TRIP10: variants seen among roughly 807,000 people sequenced by gnomAD.
TRIP10 encodes the protein thyroid hormone receptor interactor 10.
In TRIP10, 54 loss-of-function variants were observed where a neutral mutation model predicts 80.9. That is an observed-to-expected ratio of 0.67 (90% CI 0.54 to 0.84). TRIP10 has a LOEUF of 0.84. Among genes scored for constraint, TRIP10 ranks in the 40% least tolerant of loss-of-function variants. The pLI, the probability that TRIP10 is intolerant of heterozygous loss-of-function variation, is 0.00. For missense variants in TRIP10, 773 were observed against 815.3 expected (o/e 0.95, Z 0.63); for synonymous variants, 321 against 307.2 (o/e 1.04, Z -0.47).
chr19:6,743,181 C>G lies in TRIP10; in HGVS notation c.346-13C>G, dbSNP rs532942487. 2 of 1,614,044 alleles carry G rather than the reference C, an allele frequency of 1.2e-6. No individual in the cohort carries two copies. The highest frequency in any genetic ancestry group is 1.7e-6 in the Non-Finnish European group (2 of 1,180,008). On this transcript the variant is annotated splice_polypyrimidine_tract_variant and intron_variant, in intron 4 of 14. Coordinates refer to ENST00000313244, the MANE Select transcript of TRIP10 (RefSeq NM_001288962.2). Reference sequence around the variant, plus strand: ...TGGAACCCTGGCGAGCCTTATCACTCTTCTTTCTGTAGCACTTCCAAGAAG... The same window carrying G: ...TGGAACCCTGGCGAGCCTTATCACTGTTCTTTCTGTAGCACTTCCAAGAAG...
chr19:6,741,679 C>T (rs575339365), intron 3 of TRIP10, among the ~76,000 whole-genome samples: 13 of 152,220 alleles, frequency 8.5e-5, no homozygotes, highest in African/African-American at 2.9e-4. Flanking sequence ...AAACAGTGTG[C>T]AGTCCATATC....
chr19:6,746,065 G>A lies in TRIP10; in HGVS notation c.1021G>A (p.Val341Ile), dbSNP rs144735071. 0.028 allele frequency: 27,587 copies of A among 995,702 alleles called. 446 individuals are homozygous for A. Among genetic ancestry groups the A allele is most frequent in the South Asian group, 0.085 (4,263 of 50,002 alleles). 61.7% of individuals were successfully genotyped at this position (995,702 alleles called of 1,614,324 possible). A position where few individuals can be genotyped will look rare whatever the true frequency, so the allele number is the denominator to read the frequency against. Residue 341 changes from valine (V) to isoleucine (I), a missense_variant, in exon 10 of 15, where the codon GTA (valine) becomes ATA (isoleucine). Physicochemically the swap from Val to Ile is conservative, Grantham distance 29. Coordinates refer to ENST00000313244, the MANE Select transcript of TRIP10 (RefSeq NM_001288962.2). The surrounding 1 kb of genome is among the most constrained non-coding windows in gnomAD (Gnocchi z 6.2). ...PPPLSPLGGP[V>I]PSALPNGPPS... is the part of the protein sequence containing the mutation. ...ACCCCTCTCCCCCCTGGGGGGCCCC[G>A]TACCCTCGGCATTGCCTAACGGACC...
intron 11 of TRIP10, 27 bp from the exon 12 acceptor site, chr19:6,749,907 C>G (rs373289079): frequency 1.3e-6 from 2 of 1,595,894 alleles, no homozygotes; most frequent in Non-Finnish European, 1.7e-6. Flanking sequence ...GTATGTTTTC[C>G]TGTCTATCCT....
Position 6,741,301 on chromosome 19 carries a change from G to C in TRIP10, c.197+20G>C. The C allele has an allele frequency of 6.3e-7, 1 of 1,598,770 alleles. No individual in the cohort carries two copies. The highest frequency in any genetic ancestry group is 8.5e-7 in the Non-Finnish European group (1 of 1,172,368). On this transcript the variant is annotated intron_variant, in intron 3 of 14. Coordinates refer to ENST00000313244, the MANE Select transcript of TRIP10 (RefSeq NM_001288962.2). ...GTCCAAGTAAGGTTGGAGAGGGGCT[G>C]CAGGGCTAGATTTGTGGGGAAAGGC...
Position 6,744,213 on chromosome 19 carries a change from C to T in TRIP10, c.643-341C>T, listed in dbSNP as rs1391748630. ...CCCTCTGAAAGGTCTCGAATTTCCC[C>T]TCTCCTGTTTCAATCTAGCGCTCCA... On this transcript the variant is annotated intron_variant, in intron 7 of 14. Coordinates refer to ENST00000313244, the MANE Select transcript of TRIP10 (RefSeq NM_001288962.2). The surrounding 1 kb of genome is among the most constrained non-coding windows in gnomAD (Gnocchi z 4.9). Among the ~76,000 whole-genome samples, 1 of 152,172 alleles carries T rather than the reference C, an allele frequency of 6.6e-6. No individual in the cohort carries two copies. Among genetic ancestry groups the T allele is most frequent in the East Asian group, 1.9e-4 (1 of 5,196 alleles).
rs1343830303 is a variant in TRIP10 at position 6,745,622 on chromosome 19, A to G, written c.985-407A>G. ...ACCTGTCTGAGACCTTGATTCCTGC[A>G]TGCGTCTTCTAGACTGTCAGCCCAG... On this transcript the variant is annotated intron_variant, in intron 9 of 14. Transcript: ENST00000313244. The surrounding 1 kb of genome is among the most constrained non-coding windows in gnomAD (Gnocchi z 7.2). 5.1e-6 allele frequency: 5 copies of G among 985,112 alleles called. No individual in the cohort carries two copies. The highest frequency in any genetic ancestry group is 1.7e-5 in the African/African-American group (1 of 57,210). 61.0% of individuals were successfully genotyped at this position (985,112 alleles called of 1,614,324 possible). A position where few individuals can be genotyped will look rare whatever the true frequency, so the allele number is the denominator to read the frequency against.
rs754293339 is a variant in TRIP10 at position 6,746,192 on chromosome 19, G to T, written c.1148G>T (p.Arg383Leu). Residue 383 changes from arginine (R) to leucine (L), a missense_variant, in exon 10 of 15, where the codon CGT becomes CTT. By Grantham distance (102) the Arg-to-Leu change is moderately radical. Coordinates refer to ENST00000313244, the MANE Select transcript of TRIP10 (RefSeq NM_001288962.2). The surrounding 1 kb of genome is among the most constrained non-coding windows in gnomAD (Gnocchi z 6.2). The part of the protein sequence containing the change: ...LASFRSLRGS[R>L]GTVVTEDFSH... ...TCCTTCCGCAGCCTTCGAGGCAGCC[G>T]TGGGGTAAGTGAGGCCTCGGGGCAG... 3.8e-4 allele frequency: 578 copies of T among 1,528,958 alleles called. 1 individual carries two copies. Among genetic ancestry groups the T allele is most frequent in the Non-Finnish European group, 4.3e-4 (483 of 1,134,314 alleles). 94.7% of individuals were successfully genotyped at this position (1,528,958 alleles called of 1,614,324 possible). A position where few individuals can be genotyped will look rare whatever the true frequency, so the allele number is the denominator to read the frequency against.
chr19:6,750,179 G>A, intron 12 of TRIP10, 113 bp downstream of exon 12: 1 of 1,572,618 alleles, frequency 6.4e-7, no homozygotes. Flanking sequence ...GTCTCCAGCT[G>A]TTTTCCATCA....
chr19:6,743,052 A>C lies in TRIP10; in HGVS notation c.283A>C (p.Ser95Arg). 1 of 1,614,198 alleles carries C rather than the reference A, an allele frequency of 6.2e-7. No homozygotes were observed. Among genetic ancestry groups the C allele is most frequent in the Non-Finnish European group, 8.5e-7 (1 of 1,180,032 alleles). The change falls in exon 4 of 15, where the codon AGT becomes CGT. Residue 95 changes from serine to arginine, a missense_variant. By Grantham distance (110) the Ser-to-Arg change is moderately radical. Transcript: ENST00000313244. ...GCGGGAGCTGGTGGCTGAGAACCTC[A>C]GTGTCCGTGTATGTCTTGAGCTGAC... The part of the protein sequence containing the change: ...GQRELVAENL[S>R]VRVCLELTKY...
chr19:6,743,618 G>C lies in TRIP10; in HGVS notation c.513+20G>C, dbSNP rs770485501. ...GAGAAGGTGTGTGTGGCGGGGGCGG[G>C]GGGGGGGTGCGGGGTCTGGGACAAG... On this transcript the variant is annotated intron_variant, in intron 6 of 14. Coordinates refer to ENST00000313244, the MANE Select transcript of TRIP10 (RefSeq NM_001288962.2). 17 of 1,409,392 alleles carry C rather than the reference G, an allele frequency of 1.2e-5. No individual in the cohort carries two copies. Among genetic ancestry groups the C allele is most frequent in the African/African-American group, 2.8e-5 (2 of 71,908 alleles). 87.3% of individuals were successfully genotyped at this position (1,409,392 alleles called of 1,614,324 possible). A position where few individuals can be genotyped will look rare whatever the true frequency, so the allele number is the denominator to read the frequency against.
At chr19:6,750,253 G>A (rs1283966942) in intron 12 of TRIP10, 39 bp from the exon 13 acceptor site, 6 of 1,610,866 alleles carry the variant, frequency 3.7e-6, no homozygotes, top group Non-Finnish European at 4.2e-6. Context: ...TGACCCCGGA[G>A]CTCTGCCCTG....
Position 6,751,408 on chromosome 19 carries a change from T to C in TRIP10, c.*197T>C. ...TGTGCCTTCTACCATCGTTCCACCA[T>C]TGATGTACATACTCATGTTTTACAT... is the stretch of plus-strand genomic sequence containing the variant. On this transcript the variant is annotated 3_prime_UTR_variant, in exon 15 of 15. Coordinates refer to ENST00000313244, the MANE Select transcript of TRIP10 (RefSeq NM_001288962.2). 2 of 1,286,632 alleles carry C rather than the reference T, an allele frequency of 1.6e-6. No homozygotes were observed. The highest frequency in any genetic ancestry group is 6.0e-5 in the East Asian group (2 of 33,160). 79.7% of individuals were successfully genotyped at this position (1,286,632 alleles called of 1,614,324 possible). A position where few individuals can be genotyped will look rare whatever the true frequency, so the allele number is the denominator to read the frequency against.
At chr19:6,740,719 T>G in intron 1 of TRIP10, 2 of 342,086 alleles carry the variant, frequency 5.8e-6, no homozygotes, top group Non-Finnish European at 5.4e-6. Context: ...GCTGGGGGAG[T>G]GGCCCTGTCC....
rs1296131200 is a variant in TRIP10 at position 6,743,010 on chromosome 19, A to C, written c.241A>C (p.Asn81His). The change falls in exon 4 of 15, where the codon AAT becomes CAT. Residue 81 changes from asparagine to histidine, a missense_variant. By Grantham distance (68) the Asn-to-His change is moderately conservative. Coordinates refer to ENST00000313244, the MANE Select transcript of TRIP10 (RefSeq NM_001288962.2). Reference protein sequence around the residue: ...QSFVQILQEVNDFAGQRELVA... With the variant: ...QSFVQILQEVHDFAGQRELVA... ...CTTCGTACAGATTCTCCAGGAGGTG[A>C]ATGACTTTGCAGGCCAGCGGGAGCT... 5.0e-6 allele frequency: 8 copies of C among 1,614,040 alleles called. No homozygotes were observed. Among genetic ancestry groups the C allele is most frequent in the Non-Finnish European group, 6.8e-6 (8 of 1,180,036 alleles).
At chr19:6,750,485 T>C in intron 13 of TRIP10, 27 bp from the exon 14 acceptor site, 1 of 1,613,960 alleles carries the variant, frequency 6.2e-7, no homozygotes, top group Non-Finnish European at 8.5e-7. Context: ...AGGGCCTGTC[T>C]TTATCTGCCG....
chr19:6,742,943 TC>T (rs1968965721), intron 3 of TRIP10, 23 bp from the exon 4 acceptor site: 2 of 1,612,226 alleles, frequency 1.2e-6, no homozygotes, highest in African/African-American at 1.3e-5. Flanking sequence ...GACTCCCTGT[TC>T]CCCGATTCTC....
intron 3 of TRIP10, among the ~76,000 whole-genome samples, chr19:6,742,407 G>A (rs1044658677): frequency 2.6e-5 from 4 of 151,904 alleles, no homozygotes; most frequent in Admixed American, 1.3e-4. Flanking sequence ...AATAGATACG[G>A]TGTTTGATTA....
intron 3 of TRIP10, 55 bp downstream of exon 3, chr19:6,741,336 G>A: frequency 6.4e-7 from 1 of 1,559,824 alleles, no homozygotes; most frequent in Non-Finnish European, 8.7e-7. Flanking sequence ...CGGTGCTTGG[G>A]TCTCACTTCC....
rs762570383 is a variant in TRIP10 at position 6,740,917 on chromosome 19, G to C, written c.25-93G>C. ...ACTCCTTCTAGGAGCGCAGAGCCTTGGCCCTCCCTGGGAGTCTGGTCGGCG... is the reference window on the plus strand; with the variant it reads ...ACTCCTTCTAGGAGCGCAGAGCCTTCGCCCTCCCTGGGAGTCTGGTCGGCG... On this transcript the variant is annotated intron_variant, in intron 1 of 14. Coordinates refer to ENST00000313244, the MANE Select transcript of TRIP10 (RefSeq NM_001288962.2). 5 of 1,144,464 alleles carry C rather than the reference G, an allele frequency of 4.4e-6. No homozygotes were observed. In the Admixed American group the frequency reaches 5.9e-5, roughly 13 times the overall value. The allele number at this position is 1,144,464 out of a possible 1,614,324, so 70.9% of individuals were successfully genotyped here. A position where few individuals can be genotyped will look rare whatever the true frequency, so the allele number is the denominator to read the frequency against.
Sources: allele counts gnomAD v4.1 joint callset (sites outside exome capture counted in the v4.1 genomes callset), GRCh38; gene constraint gnomAD v4.1.1; non-coding constraint Gnocchi (gnomAD v3.1); transcripts MANE v1.5; gene names NCBI Gene and HGNC (gene_info 2026-07-23, HGNC 2026-07-21).